SYN3: variants seen among roughly 807,000 people sequenced by gnomAD.
The protein encoded by SYN3 is synapsin III, also known as synapsin-3.
A neutral mutation model predicts 65.8 loss-of-function variants in SYN3; 35 were observed. The observed-to-expected ratio is 0.53, with a 90% CI of 0.41 to 0.70. The LOEUF is 0.70. Ranked by LOEUF, SYN3 falls within the 30% of genes least tolerant of loss-of-function variation. The probability of loss-of-function intolerance (pLI) is 0.00; values close to 1 mark genes in which losing one functional copy is unlikely to be tolerated. For missense variants in SYN3, 680 were observed against 749.0 expected, an observed-to-expected ratio of 0.91 and a Z score of 1.08; for synonymous variants, 270 against 292.9, an observed-to-expected ratio of 0.92 and a Z score of 0.80.
At chr22:32,739,062 A>T (rs932555181) in intron 6 of SYN3, among the ~76,000 whole-genome samples, 12 of 151,314 alleles carry the variant, frequency 7.9e-5, no homozygotes, top group Admixed American at 1.3e-4. Context: ...GATGTTACTT[A>T]TTGTGTCTGA....
rs141624827 is a variant in SYN3, at chr22:32,745,735, A to G, written c.711+119180T>C. Among the ~76,000 whole-genome samples, 427 of 152,268 alleles carry G rather than the reference A, an allele frequency of 2.8e-3. 1 individual carries two copies. The highest frequency in any genetic ancestry group is 9.6e-3 in the African/African-American group (397 of 41,558). On this transcript the variant is annotated intron_variant, in intron 6 of 13. Transcript: ENST00000358763. ...ACGTACACCCAGATAGAGAGCAGAG[A>G]AAAACACAGAGGTGGGGAGAGAATA...
At chr22:32,905,237 T>C (rs2049869744) in intron 4 of SYN3, among the ~76,000 whole-genome samples, 1 of 152,228 alleles carries the variant, frequency 6.6e-6, no homozygotes, top group Non-Finnish European at 1.5e-5. Context: ...AAACTGGAAT[T>C]GCCCACCTTC....
chr22:33,018,215 G>A (rs1484183744), intron 1 of SYN3, among the ~76,000 whole-genome samples: 3 of 152,216 alleles, frequency 2.0e-5, no homozygotes, highest in African/African-American at 7.2e-5. Flanking sequence ...TGAAAGTGGG[G>A]AGCTGGATTA....
At chr22:32,567,188 G>A (rs954567215) in intron 7 of SYN3, among the ~76,000 whole-genome samples, 1 of 152,128 alleles carries the variant, frequency 6.6e-6, no homozygotes, top group African/African-American at 2.4e-5. Context: ...TTTGTAGTAG[G>A]AGCATGAGAT....
At chr22:33,049,547 C>T (rs774661043) in intron 1 of SYN3, among the ~76,000 whole-genome samples, 1 of 152,196 alleles carries the variant, frequency 6.6e-6, no homozygotes, top group Non-Finnish European at 1.5e-5. Flanking sequence ...TTAATAACCA[C>T]GGGATGGTTT....
chr22:32,888,373 T>C (rs772114114), intron 4 of SYN3, among the ~76,000 whole-genome samples: 5 of 152,040 alleles, frequency 3.3e-5, no homozygotes, highest in East Asian at 1.9e-4. Context: ...AGGGGAATGA[T>C]TGGATCATAT....
Position 32,818,311 on chromosome 22 carries a change from C to T in SYN3, c.711+46604G>A, listed in dbSNP as rs550049954. 3.9e-5 allele frequency among the ~76,000 whole-genome samples: 6 copies of T among 152,224 alleles called. No homozygotes were observed. The East Asian group carries it at 5.8e-4, about 15-fold the overall frequency. ...CAAGGACGGGCACATCCAGCCTATG[C>T]GGTCCATCAGGGGCACTCACATTTA... is the stretch of plus-strand genomic sequence containing the variant. On this transcript the variant is annotated intron_variant, in intron 6 of 13. Transcript: ENST00000358763.
chr22:32,605,007 G>GAAA (rs543726592), intron 6 of SYN3, among the ~76,000 whole-genome samples: 9 of 91,124 alleles, frequency 9.9e-5, no homozygotes, highest in Admixed American at 4.3e-4. Context: ...CTCCATCTCA[G>GAAA]AAAAAAAAAA....
At chr22:32,929,942 A>T (rs2050580405) in intron 4 of SYN3, among the ~76,000 whole-genome samples, 1 of 152,022 alleles carries the variant, frequency 6.6e-6, no homozygotes, top group Non-Finnish European at 1.5e-5. Flanking sequence ...CCTTACTGTC[A>T]CACCAACTCT....
At chr22:32,601,402 G>A (rs900643798) in intron 6 of SYN3, among the ~76,000 whole-genome samples, 15 of 149,148 alleles carry the variant, frequency 1.0e-4, no homozygotes, top group East Asian at 2.0e-4. Flanking sequence ...CTCAGCCTCC[G>A]GAGTAGCTGG....
intron 10 of SYN3, among the ~76,000 whole-genome samples, chr22:32,530,684 A>T (rs1340649317): frequency 6.6e-6 from 1 of 150,438 alleles, no homozygotes; most frequent in Non-Finnish European, 1.5e-5. Flanking sequence ...ACCCACTTTG[A>T]TTAGGAAACT....
intron 1 of SYN3, among the ~76,000 whole-genome samples, chr22:33,027,250 G>T (rs550563261): frequency 7.2e-5 from 11 of 151,980 alleles, no homozygotes; most frequent in African/African-American, 2.7e-4. Context: ...TCTAATTCAG[G>T]TATTAACTAG....
intron 1 of SYN3, among the ~76,000 whole-genome samples, chr22:33,038,193 C>T (rs935468050): frequency 2.6e-4 from 40 of 152,312 alleles, no homozygotes; most frequent in Non-Finnish European, 4.6e-4. Flanking sequence ...AGCAGTAATG[C>T]CCCCTTAGGC....
Position 32,587,679 on chromosome 22 carries a change from G to A in SYN3, c.774+8995C>T, listed in dbSNP as rs1003926138. Among the ~76,000 whole-genome samples the A allele has an allele frequency of 3.9e-5, 6 of 152,148 alleles. No homozygotes were observed. In the East Asian group the frequency reaches 1.2e-3, roughly 29 times the overall value. ...TGAGTCAGCCTAAGAGAAGGGATCCGAGTCCAGGTCACTTGGAGCTGATGA... is the reference window on the plus strand; with the variant it reads ...TGAGTCAGCCTAAGAGAAGGGATCCAAGTCCAGGTCACTTGGAGCTGATGA... On this transcript the variant is annotated intron_variant, in intron 7 of 13. Transcript: ENST00000358763.
chr22:33,039,681 C>A (rs558641352), intron 1 of SYN3, among the ~76,000 whole-genome samples: 1 of 152,114 alleles, frequency 6.6e-6, no homozygotes, highest in Non-Finnish European at 1.5e-5. Context: ...GCTGGGATTA[C>A]GGGCGTGAGC....
At chr22:32,863,558 C>T (rs1021255568) in intron 6 of SYN3, among the ~76,000 whole-genome samples, 1 of 152,186 alleles carries the variant, frequency 6.6e-6, no homozygotes, top group African/African-American at 2.4e-5. Flanking sequence ...TCAGAGTATA[C>T]AGCAGGGCCT....
At chr22:32,677,273 C>A (rs1216978278) in intron 6 of SYN3, among the ~76,000 whole-genome samples, 1 of 149,952 alleles carries the variant, frequency 6.7e-6, no homozygotes, top group African/African-American at 2.5e-5. Context: ...AGCAGTGATC[C>A]TCTATCCAGC....
intron 3 of SYN3, among the ~76,000 whole-genome samples, chr22:32,937,153 A>G (rs1265197129): frequency 1.3e-5 from 2 of 152,258 alleles, no homozygotes; most frequent in Non-Finnish European, 2.9e-5. Flanking sequence ...GAATAGAAAC[A>G]GACGTGGAAA....
chr22:32,780,749 T>C (rs895154780), intron 6 of SYN3, among the ~76,000 whole-genome samples: 1 of 152,216 alleles, frequency 6.6e-6, no homozygotes, highest in Admixed American at 6.5e-5. Flanking sequence ...TTAGTTTCTT[T>C]ATCCTTAAAA....
Sources: allele counts gnomAD v4.1 joint callset (sites outside exome capture counted in the v4.1 genomes callset), GRCh38; gene constraint gnomAD v4.1.1; transcripts MANE v1.5; gene names NCBI Gene and HGNC (gene_info 2026-07-23, HGNC 2026-07-21).